The following IGSF3 variants were observed in gnomAD, a reference collection of about 807,000 sequenced individuals.
IGSF3 encodes immunoglobulin superfamily member 3, also known as glu-Trp-Ile EWI motif-containing protein 3.
Under a neutral mutation model 114.4 loss-of-function variants are expected in IGSF3, and 23 were observed. That is an observed-to-expected ratio of 0.20 (90% CI 0.14 to 0.28). The LOEUF (loss-of-function observed/expected upper bound fraction) is 0.28. Among genes scored for constraint, IGSF3 ranks in the 10% least tolerant of loss-of-function variants. The pLI is 1.00. For synonymous variants in IGSF3, 571 were observed against 645.2 expected (o/e 0.88, Z 1.74); for missense variants, 1,172 against 1,591.5 (o/e 0.74, Z 4.48).
chr1:116,582,623 CAATG>C lies in IGSF3; in HGVS notation c.2848+2018_2848+2021del, dbSNP rs1184780953. On this transcript the variant is annotated intron_variant, in intron 9 of 10. Transcript: ENST00000369486. This position sits in a 1 kb window ranked among gnomAD's most constrained non-coding sequence, Gnocchi z 4.7. The stretch of plus-strand genomic sequence containing the variant: ...AAAAAATCTTTGAAGTACGTCTGCA[CAATG>C]AATGTTATGAAACCAGTAAAAATGG... Among the ~76,000 whole-genome samples the C allele has an allele frequency of 6.6e-6, 1 of 152,106 alleles. No individual in the cohort carries two copies. The highest frequency in any genetic ancestry group is 1.5e-5 in the Non-Finnish European group (1 of 68,050).
rs1050023130 is a variant in IGSF3, at chr1:116,666,590, G to A, written c.-264C>T. ...AGTCGCTCCCGGCTCCTGCCACATCGTGTGCCTTGCAGTTTCCACTGAAAT... is the reference window on the plus strand; with the variant it reads ...AGTCGCTCCCGGCTCCTGCCACATCATGTGCCTTGCAGTTTCCACTGAAAT... On this transcript the variant is annotated 5_prime_UTR_variant, in exon 2 of 11. The change creates a new upstream start codon in the 5' untranslated region. Transcript: ENST00000369486. The A allele has an allele frequency of 3.3e-6, 2 of 598,464 alleles. No homozygotes were observed. Among genetic ancestry groups the A allele is most frequent in the Non-Finnish European group, 3.0e-6 (1 of 337,128 alleles). The allele number at this position is 598,464 out of a possible 1,614,324, so 37.1% of individuals were successfully genotyped here.
Position 116,614,860 on chromosome 1 carries a change from C to A in IGSF3, c.422-685G>T, listed in dbSNP as rs1258200472. The stretch of plus-strand genomic sequence containing the variant: ...CCCTTGGTCAGAATCATACCCTGAT[C>A]CTTGCTTGCACCTTTCTGGAGATTA... On this transcript the variant is annotated intron_variant, in intron 3 of 10. Coordinates refer to ENST00000369486, the MANE Select transcript of IGSF3 (RefSeq NM_001007237.3). This position sits in a 1 kb window ranked among gnomAD's most constrained non-coding sequence, Gnocchi z 4.5. Among the ~76,000 whole-genome samples the A allele has an allele frequency of 1.3e-5, 2 of 152,152 alleles. No individual in the cohort carries two copies. The highest frequency in any genetic ancestry group is 2.9e-5 in the Non-Finnish European group (2 of 68,032).
intron 4 of IGSF3, among the ~76,000 whole-genome samples, chr1:116,609,951 C>T (rs1334556202): frequency 1.3e-5 from 2 of 152,180 alleles, no homozygotes; most frequent in African/African-American, 2.4e-5. Flanking sequence ...CCCTTCTTTC[C>T]AGTGACCTAA....
rs1332501820 is a variant in IGSF3 at position 116,598,166 on chromosome 1, G to A, written c.2029+1775C>T. Among the ~76,000 whole-genome samples, 1 of 152,140 alleles carries A rather than the reference G, an allele frequency of 6.6e-6. No homozygotes were observed. The highest frequency in any genetic ancestry group is 1.5e-5 in the Non-Finnish European group (1 of 68,030). ...ATTCAAAAAGGCAATGTCAGACAAG[G>A]TCTTGAGGTCAGCAACTCCTCTACC... On this transcript the variant is annotated intron_variant, in intron 7 of 10. Transcript: ENST00000369486. This position sits in a 1 kb window ranked among gnomAD's most constrained non-coding sequence, Gnocchi z 4.3.
At position 116,666,741 on chromosome 1, in the gene IGSF3, C is replaced by A. The variant is rs1445074708; in HGVS notation, c.-415G>T. On this transcript the variant is annotated 5_prime_UTR_variant, in exon 2 of 11. The change creates a premature stop within an existing upstream ORF in the 5' untranslated region. Transcript: ENST00000369486. ...GAAGGTGTCTGTGATCTCCCTCATT[C>A]GGATTCCCCAGAGAGAACAGGGCAG... 1 of 460,750 alleles carries A rather than the reference C, an allele frequency of 2.2e-6. No individual in the cohort carries two copies. The highest frequency in any genetic ancestry group is 2.0e-5 in the African/African-American group (1 of 49,800). 28.5% of individuals were successfully genotyped at this position (460,750 alleles called of 1,614,324 possible).
Position 116,596,119 on chromosome 1 carries a change from G to A in IGSF3, c.2029+3822C>T, listed in dbSNP as rs1227212550. On this transcript the variant is annotated intron_variant, in intron 7 of 10. Transcript: ENST00000369486. The surrounding 1 kb of genome is among the most constrained non-coding windows in gnomAD (Gnocchi z 4.1). ...GATTCTGATGAATACTGATATGGGG[G>A]CAGGATCAGCAGGTGGCTCCAGCAG... Among the ~76,000 whole-genome samples, 2 of 152,234 alleles carry A rather than the reference G, an allele frequency of 1.3e-5. No homozygotes were observed. The highest frequency in any genetic ancestry group is 4.8e-5 in the African/African-American group (2 of 41,454).
In IGSF3 at chr1:116,599,981, C is replaced by A; in HGVS notation, c.1989G>T (p.Glu663Asp). Residue 663 changes from glutamate to aspartate, a missense_variant, in exon 7 of 11, where the codon GAG (glutamate) becomes GAT (aspartate). Physicochemically the swap from Glu to Asp is conservative, Grantham distance 45 (BLOSUM62 2). Transcript: ENST00000369486. Reference protein sequence around the residue: ...NYNNTWTRLAERTSNLLEIRV... With the variant: ...NYNNTWTRLADRTSNLLEIRV... ...TGATCTCCAGCAGGTTGGAGGTCCT[C>A]TCCGCCAGTCGCGTCCAGGTGTTGT... 6.2e-7 allele frequency: 1 copy of A among 1,613,892 alleles called. No individual in the cohort carries two copies. Among genetic ancestry groups the A allele is most frequent in the East Asian group, 2.2e-5 (1 of 44,880 alleles).
chr1:116,608,381 C>G (rs778794652), intron 4 of IGSF3, 50 bp from the exon 5 acceptor site: 1 of 1,428,088 alleles, frequency 7.0e-7, no homozygotes. Context: ...ATGAGGGCCC[C>G]AGCCAACTAA....
In IGSF3 at chr1:116,662,927, T is replaced by G. The variant is rs1460129189; in HGVS notation, c.43+3357A>C. On this transcript the variant is annotated intron_variant, in intron 2 of 10. Coordinates refer to ENST00000369486, the MANE Select transcript of IGSF3 (RefSeq NM_001007237.3). This position sits in a 1 kb window ranked among gnomAD's most constrained non-coding sequence, Gnocchi z 4.3. ...TTCTTTCAATCCCTTTCAGAAGCCT[T>G]TTCTAACTAACTGGGAAGTAAGAGA... 6.6e-6 allele frequency among the ~76,000 whole-genome samples: 1 copy of G among 152,146 alleles called. No homozygotes were observed. Among genetic ancestry groups the G allele is most frequent in the Non-Finnish European group, 1.5e-5 (1 of 68,032 alleles).
At chr1:116,663,614 A>C (rs1649206766) in intron 2 of IGSF3, among the ~76,000 whole-genome samples, 1 of 152,146 alleles carries the variant, frequency 6.6e-6, no homozygotes, top group Non-Finnish European at 1.5e-5. Flanking sequence ...TAGGACAAAG[A>C]CATAAGCAGG....
intron 6 of IGSF3, among the ~76,000 whole-genome samples, chr1:116,601,689 C>G (rs1571143486): frequency 6.6e-6 from 1 of 152,204 alleles, no homozygotes; most frequent in South Asian, 2.1e-4. Flanking sequence ...GCTGAAAACT[C>G]TGGACCTTTG....
In IGSF3 at chr1:116,651,542, A is replaced by G. The variant is rs1489943386; in HGVS notation, c.43+14742T>C. Reference sequence around the variant, plus strand: ...TACCATAGCTAGCATTTCTTTGGCTAGAGAAAACTGTGTTAAATGCAGCCT... The same window carrying G: ...TACCATAGCTAGCATTTCTTTGGCTGGAGAAAACTGTGTTAAATGCAGCCT... On this transcript the variant is annotated intron_variant, in intron 2 of 10. Transcript: ENST00000369486. This position sits in a 1 kb window ranked among gnomAD's most constrained non-coding sequence, Gnocchi z 4.4. Among the ~76,000 whole-genome samples, 1 of 152,246 alleles carries G rather than the reference A, an allele frequency of 6.6e-6. No homozygotes were observed. Among genetic ancestry groups the G allele is most frequent in the Non-Finnish European group, 1.5e-5 (1 of 68,048 alleles).
At position 116,615,369 on chromosome 1, in the gene IGSF3, A is replaced by C. The variant is rs1308368389; in HGVS notation, c.421+711T>G. On this transcript the variant is annotated intron_variant, in intron 3 of 10. Transcript: ENST00000369486. This position sits in a 1 kb window ranked among gnomAD's most constrained non-coding sequence, Gnocchi z 4.3. ...TAGAGAAAGTAAAAATAAACAAATG[A>C]TAGTATGTGTATTAATAAAAGAACT... 1.3e-5 allele frequency among the ~76,000 whole-genome samples: 2 copies of C among 152,182 alleles called. No individual in the cohort carries two copies. The highest frequency in any genetic ancestry group is 2.9e-5 in the Non-Finnish European group (2 of 68,038).
intron 7 of IGSF3, among the ~76,000 whole-genome samples, chr1:116,591,802 C>A (rs1266077386): frequency 6.6e-6 from 1 of 152,170 alleles, no homozygotes; most frequent in Non-Finnish European, 1.5e-5. Context: ...GTACAGCTTG[C>A]GTGCACCACC....
In IGSF3 at chr1:116,650,518, G is replaced by A. The variant is rs2336326; in HGVS notation, c.43+15766C>T. On this transcript the variant is annotated intron_variant, in intron 2 of 10. Coordinates refer to ENST00000369486, the MANE Select transcript of IGSF3 (RefSeq NM_001007237.3). The surrounding 1 kb of genome is among the most constrained non-coding windows in gnomAD (Gnocchi z 5.0). ...AGGATGGGCTCAGCTCAATCAGCACGTACCCTAGAGCTGGAGGCAGGGTCA... is the reference window on the plus strand; with the variant it reads ...AGGATGGGCTCAGCTCAATCAGCACATACCCTAGAGCTGGAGGCAGGGTCA... Among the ~76,000 whole-genome samples, 9 of 152,132 alleles carry A rather than the reference G, an allele frequency of 5.9e-5. No individual in the cohort carries two copies. Among genetic ancestry groups the A allele is most frequent in the African/African-American group, 1.9e-4 (8 of 41,420 alleles).
chr1:116,618,683 A>G lies in IGSF3; in HGVS notation c.44-2226T>C, dbSNP rs1037725478. Among the ~76,000 whole-genome samples the G allele has an allele frequency of 6.6e-6, 1 of 152,238 alleles. No homozygotes were observed. Among genetic ancestry groups the G allele is most frequent in the Non-Finnish European group, 1.5e-5 (1 of 68,046 alleles). ...GATGCACTTCTTAAAACATGTCCCC[A>G]TCATTAAGTGACCCATGACTGTATA... On this transcript the variant is annotated intron_variant, in intron 2 of 10. Coordinates refer to ENST00000369486, the MANE Select transcript of IGSF3 (RefSeq NM_001007237.3). The surrounding 1 kb of genome is among the most constrained non-coding windows in gnomAD (Gnocchi z 4.7).
At chr1:116,656,492 G>A (rs2101078639) in intron 2 of IGSF3, among the ~76,000 whole-genome samples, 1 of 151,896 alleles carries the variant, frequency 6.6e-6, no homozygotes, top group South Asian at 2.1e-4. Flanking sequence ...GGGTTTCACT[G>A]TGTTAGCCAG....
intron 5 of IGSF3, chr1:116,606,432 A>G: frequency 1.2e-6 from 2 of 1,611,100 alleles, no homozygotes; most frequent in Non-Finnish European, 1.7e-6. Flanking sequence ...AAGCGCCATT[A>G]AAATCCAAGG....
At chr1:116,646,071 C>T (rs888405168) in intron 2 of IGSF3, among the ~76,000 whole-genome samples, 8 of 152,214 alleles carry the variant, frequency 5.3e-5, no homozygotes, top group African/African-American at 1.9e-4. Context: ...ACTTCCTCTA[C>T]CCTAATGAGG....
Sources: allele counts gnomAD v4.1 joint callset (sites outside exome capture counted in the v4.1 genomes callset), GRCh38; gene constraint gnomAD v4.1.1; non-coding constraint Gnocchi (gnomAD v3.1); transcripts MANE v1.5; gene names NCBI Gene and HGNC (gene_info 2026-07-23, HGNC 2026-07-21).